SAFB: variants seen among roughly 807,000 people sequenced by gnomAD.
SAFB encodes scaffold attachment factor B, also known as scaffold attachment factor B1.
In SAFB, 15 loss-of-function variants were observed where a neutral mutation model predicts 101.6. The observed-to-expected ratio is 0.15, with a 90% confidence interval of 0.10 to 0.23. The LOEUF (loss-of-function observed/expected upper bound fraction) is 0.23. SAFB is among the 10% of genes least tolerant of loss of function. The probability of loss-of-function intolerance (pLI) is 1.00; values close to 1 mark genes in which losing one functional copy is unlikely to be tolerated. For synonymous variants in SAFB, 449 were observed against 407.5 expected, an observed-to-expected ratio of 1.10 and a Z score of -1.23; for missense variants, 930 against 1,104.1, an observed-to-expected ratio of 0.84 and a Z score of 2.23.
At chr19:5,638,432 C>T (rs1281362833) in intron 2 of SAFB, among the ~76,000 whole-genome samples, 2 of 151,008 alleles carry the variant, frequency 1.3e-5, no homozygotes, top group South Asian at 2.1e-4. Context: ...GATTCTCCTG[C>T]GTCAACCCCC....
chr19:5,651,373 G>C (rs1039156617), intron 9 of SAFB, among the ~76,000 whole-genome samples: 4 of 152,192 alleles, frequency 2.6e-5, no homozygotes, highest in African/African-American at 7.2e-5. Context: ...GCCAGGGTTG[G>C]CTGGTGGGGT....
At chr19:5,628,423 A>G (rs1465649263) in intron 2 of SAFB, among the ~76,000 whole-genome samples, 1 of 152,204 alleles carries the variant, frequency 6.6e-6, no homozygotes, top group African/African-American at 2.4e-5. Context: ...AAATCTAAAC[A>G]AGAAATTTGT....
chr19:5,642,970 GC>G (rs1398471039), intron 4 of SAFB, among the ~76,000 whole-genome samples: 2 of 151,954 alleles, frequency 1.3e-5, no homozygotes, highest in Non-Finnish European at 2.9e-5. Context: ...CCCAGCATGT[GC>G]CCTTTAATTC....
At chr19:5,641,492 T>C (rs1272219107) in intron 2 of SAFB, 102 bp from the exon 3 acceptor site, 2 of 932,838 alleles carry the variant, frequency 2.1e-6, no homozygotes, top group Non-Finnish European at 3.4e-6. Flanking sequence ...GTGAGGTGTC[T>C]CAGATGTTTA....
intron 1 of SAFB, among the ~76,000 whole-genome samples, 191 bp downstream of exon 1, chr19:5,623,585 C>T (rs1333731557): frequency 6.6e-6 from 1 of 152,150 alleles, no homozygotes; most frequent in Admixed American, 6.5e-5. Flanking sequence ...GGTTCAAATC[C>T]TAACGCCGCA....
chr19:5,645,559 A>C lies in SAFB; in HGVS notation c.609+160A>C, dbSNP rs1447609926. On this transcript the variant is annotated intron_variant, in intron 5 of 20. Transcript: ENST00000588852. Reference sequence around the variant, plus strand: ...GGGTGTTTGCTTTCTGCTTTCCTCCAAATATAATGTACGCATTGCCAGGGA... The same window carrying C: ...GGGTGTTTGCTTTCTGCTTTCCTCCCAATATAATGTACGCATTGCCAGGGA... Among the ~76,000 whole-genome samples the C allele has an allele frequency of 3.3e-5, 5 of 152,216 alleles. No homozygotes were observed. The East Asian group carries it at 9.6e-4, about 29-fold the overall frequency.
At chr19:5,659,571 CGG>C (rs1568276724) in intron 14 of SAFB, among the ~76,000 whole-genome samples, 1 of 151,802 alleles carries the variant, frequency 6.6e-6, no homozygotes, top group African/African-American at 2.4e-5. Context: ...TTAGTAGAGA[CGG>C]GGTTTCACCG....
intron 8 of SAFB, among the ~76,000 whole-genome samples, chr19:5,650,720 T>A (rs2053920751): frequency 6.6e-6 from 1 of 152,104 alleles, no homozygotes; most frequent in South Asian, 2.1e-4. Context: ...CCGCAATTGC[T>A]AACTTTCTTA....
intron 9 of SAFB, among the ~76,000 whole-genome samples, chr19:5,652,318 C>G (rs550470374): frequency 6.6e-6 from 1 of 152,240 alleles, no homozygotes; most frequent in South Asian, 2.1e-4. Context: ...CCCTACTAGA[C>G]CCCCTTTCCT....
At chr19:5,640,894 T>C (rs2053695346) in intron 2 of SAFB, among the ~76,000 whole-genome samples, 1 of 151,462 alleles carries the variant, frequency 6.6e-6, no homozygotes, top group Non-Finnish European at 1.5e-5. Flanking sequence ...GCCCAGCCCC[T>C]CTGGAGTATC....
chr19:5,625,108 A>G (rs2053328564), intron 1 of SAFB, among the ~76,000 whole-genome samples: 1 of 152,152 alleles, frequency 6.6e-6, no homozygotes, highest in Non-Finnish European at 1.5e-5. Context: ...TGTGGTCCCA[A>G]AACACGAATA....
intron 13 of SAFB, among the ~76,000 whole-genome samples, chr19:5,656,416 C>T (rs1021550065): frequency 3.3e-5 from 5 of 151,936 alleles, no homozygotes; most frequent in Admixed American, 6.6e-5. Flanking sequence ...GCTGGGATTA[C>T]AGGCACCTGC....
At chr19:5,643,287 C>G (rs1418350122) in intron 4 of SAFB, among the ~76,000 whole-genome samples, 1 of 152,064 alleles carries the variant, frequency 6.6e-6, no homozygotes, top group East Asian at 1.9e-4. Flanking sequence ...GTCCTTAGGT[C>G]TTCCGCAGTG....
chr19:5,637,475 G>A (rs1427665619), intron 2 of SAFB, among the ~76,000 whole-genome samples: 1 of 151,692 alleles, frequency 6.6e-6, no homozygotes, highest in Non-Finnish European at 1.5e-5. Context: ...GGGCAACATA[G>A]TGAGACCCCA....
chr19:5,660,069 C>G (rs2054160316), intron 14 of SAFB, among the ~76,000 whole-genome samples: 1 of 152,140 alleles, frequency 6.6e-6, no homozygotes, highest in Admixed American at 6.6e-5. Flanking sequence ...GAGTCCAGAA[C>G]ACTATGAGGC....
At chr19:5,650,902 C>T (rs755518200) in intron 8 of SAFB, 76 bp from the exon 9 acceptor site, 460 of 973,260 alleles carry the variant, frequency 4.7e-4, no homozygotes, top group Middle Eastern at 6.6e-4. Flanking sequence ...AACCATGTCT[C>T]TTTTGGAAAG....
intron 6 of SAFB, chr19:5,648,290 T>C: frequency 1.9e-6 from 1 of 517,612 alleles, no homozygotes; most frequent in South Asian, 2.7e-5. Flanking sequence ...TCATGCCTTT[T>C]TGAATATCAA....
intron 15 of SAFB, 145 bp downstream of exon 15, chr19:5,661,953 T>C: frequency 1.5e-6 from 1 of 655,360 alleles, no homozygotes; most frequent in Non-Finnish European, 2.6e-6. Flanking sequence ...GACCCGATCT[T>C]GGCTCACTGC....
At chr19:5,632,344 C>T (rs1230687520) in intron 2 of SAFB, among the ~76,000 whole-genome samples, 1 of 152,212 alleles carries the variant, frequency 6.6e-6, no homozygotes, top group Non-Finnish European at 1.5e-5. Flanking sequence ...GTCCTTTTCT[C>T]TCCTTGTATG....
Sources: allele counts gnomAD v4.1 joint callset (sites outside exome capture counted in the v4.1 genomes callset), GRCh38; gene constraint gnomAD v4.1.1; transcripts MANE v1.5; gene names NCBI Gene and HGNC (gene_info 2026-07-23, HGNC 2026-07-21).